Variants in ABCB4 observed in about 807,000 individuals in gnomAD.
ABCB4 encodes the protein ATP binding cassette subfamily B member 4, also known as phosphatidylcholine translocator ABCB4.
Under a neutral mutation model 145.7 loss-of-function variants are expected in ABCB4, and 76 were observed. The observed-to-expected ratio is 0.52, with a 90% CI of 0.43 to 0.63. The LOEUF (loss-of-function observed/expected upper bound fraction) is 0.63, where lower values mean the gene tolerates loss of function less well. Ranked by LOEUF, ABCB4 falls within the 30% of genes least tolerant of loss-of-function variation. ABCB4 has a pLI of 0.00. For missense variants in ABCB4, 1,234 were observed against 1,553.1 expected (o/e 0.79, Z 3.45); for synonymous variants, 517 against 566.8 (o/e 0.91, Z 1.25).
At chr7:87,422,938 C>T (rs1308286527) in intron 17 of ABCB4, among the ~76,000 whole-genome samples, 2 of 152,102 alleles carry the variant, frequency 1.3e-5, no homozygotes, top group African/African-American at 4.8e-5. Context: ...GTGCCTGGAG[C>T]AGCACTAGGC....
chr7:87,436,322 C>CA (rs201591261), intron 14 of ABCB4, among the ~76,000 whole-genome samples: 4,032 of 102,784 alleles, frequency 0.039, 119 homozygotes, highest in East Asian at 0.18. Flanking sequence ...CTTTCAGCTA[C>CA]AAAAAAAAAA....
At chr7:87,451,594 A>G (rs746505904) in intron 7 of ABCB4, 29 bp downstream of exon 7, 16 of 1,613,818 alleles carry the variant, frequency 9.9e-6, no homozygotes, top group African/African-American at 2.7e-5. Context: ...AGGGGTTAAC[A>G]CACATAAAAA....
intron 4 of ABCB4, among the ~76,000 whole-genome samples, chr7:87,457,151 G>A (rs1812150006): frequency 7.9e-5 from 12 of 152,130 alleles, no homozygotes. Flanking sequence ...AGGCCCGGTG[G>A]CTCACACCTA....
At chr7:87,411,748 G>T in intron 23 of ABCB4, 145 bp downstream of exon 23, 1 of 705,884 alleles carries the variant, frequency 1.4e-6, no homozygotes, top group Non-Finnish European at 2.4e-6. Flanking sequence ...AGATCTCTGT[G>T]CCTGCCAGGA....
In ABCB4 at chr7:87,422,056, G is replaced by A; in HGVS notation, c.2316+65C>T. On this transcript the variant is annotated intron_variant, in intron 18 of 27. Transcript: ENST00000649586. Reference sequence around the variant, plus strand: ...CTGTAAGAATTTGGAAGCTCCATTAGGTTTAATTTAATTTCTCTAATTAAA... The same window carrying A: ...CTGTAAGAATTTGGAAGCTCCATTAAGTTTAATTTAATTTCTCTAATTAAA... 37 of 1,173,956 alleles carry A rather than the reference G, an allele frequency of 3.2e-5. 1 individual carries two copies. In the South Asian group the frequency reaches 4.8e-4, roughly 15 times the overall value. The allele number at this position is 1,173,956 out of a possible 1,614,324, so 72.7% of individuals were successfully genotyped here.
chr7:87,462,572 T>G (rs1812533668), intron 4 of ABCB4, among the ~76,000 whole-genome samples, 186 bp downstream of exon 4: 1 of 152,206 alleles, frequency 6.6e-6, no homozygotes, highest in South Asian at 2.1e-4. Flanking sequence ...TACACATATT[T>G]CTTTAAATTT....
In ABCB4 at chr7:87,420,115, T is replaced by C. The variant is rs780747302; in HGVS notation, c.2317-40A>G. 3.8e-6 allele frequency: 6 copies of C among 1,573,704 alleles called. No homozygotes were observed. In the East Asian group the frequency reaches 1.1e-4, roughly 29 times the overall value. ...AGGCTATGGTCTCTTTTGATCTTTA[T>C]GTATGTAATTGCACCAGACCAATCA... On this transcript the variant is annotated intron_variant, in intron 18 of 27. Transcript: ENST00000649586.
rs1811746459 is a variant in ABCB4, at chr7:87,451,719, T to C, written c.612A>G (p.Ala204=). ...CTCTGATGAATCCCACTATGAATCC[T>C]GCAAAAAACGTGGCTACTGCTTGAA... The part of the protein sequence containing the change: ...MFFQAVATFF[A]GFIVGFIRGW... The change falls in exon 7 of 28, where the codon GCA becomes GCG. Residue 204 remains alanine (A), a synonymous_variant. Transcript: ENST00000649586. 5 of 1,614,168 alleles carry C rather than the reference T, an allele frequency of 3.1e-6. No homozygotes were observed. Among genetic ancestry groups the C allele is most frequent in the Non-Finnish European group, 4.2e-6 (5 of 1,180,030 alleles).
At chr7:87,373,211 TG>T in the ABCB4 span, among the ~76,000 whole-genome samples, 1 of 152,196 alleles carries the variant, frequency 6.6e-6, no homozygotes, top group Non-Finnish European at 1.5e-5. Context: ...TTTTTTCACA[TG>T]CATTTTGGCC....
At position 87,449,993 on chromosome 7, in the gene ABCB4, C is replaced by T. The variant is rs551234479; in HGVS notation, c.808G>A (p.Gly270Arg). 33 of 1,614,032 alleles carry T rather than the reference C, an allele frequency of 2.0e-5. No homozygotes were observed. Among genetic ancestry groups the T allele is most frequent in the African/African-American group, 9.3e-5 (7 of 74,924 alleles). The change falls in exon 8 of 28, where the codon GGG becomes AGG. Residue 270 changes from glycine to arginine, a missense_variant. This residue lies in a region of ABCB4 where 467 missense variants were observed against 632.8 expected (regional missense o/e 0.74). Coordinates refer to ENST00000649586, the MANE Select transcript of ABCB4 (RefSeq NM_000443.4). ...LGAIRTVIAF[G>R]GQNKELERYQ... ...CTTTCCAGCTCTTTGTTCTGGCCCCCGAAAGCTATCACAGTCCTGATGGCC... is the reference window on the plus strand; with the variant it reads ...CTTTCCAGCTCTTTGTTCTGGCCCCTGAAAGCTATCACAGTCCTGATGGCC...
chr7:87,371,634 G>T, the ABCB4 span, among the ~76,000 whole-genome samples: 2 of 152,092 alleles, frequency 1.3e-5, no homozygotes, highest in South Asian at 2.1e-4. Context: ...TTTTCTGCCA[G>T]TATTATGTGA....
At chr7:87,431,595 G>T (rs754994308) in intron 14 of ABCB4, 30 bp from the exon 15 acceptor site, 11 of 1,613,790 alleles carry the variant, frequency 6.8e-6, no homozygotes, top group Admixed American at 1.7e-5. Context: ...GTGCATCAGG[G>T]TTACAGTATT....
At chr7:87,422,287 C>A in intron 17 of ABCB4, 62 bp from the exon 18 acceptor site, 1 of 1,279,244 alleles carries the variant, frequency 7.8e-7, no homozygotes, top group South Asian at 1.2e-5. Flanking sequence ...TCATTCCTCT[C>A]ATAAATAGTG....
At chr7:87,375,485 T>C in the ABCB4 span, 2 of 569,352 alleles carry the variant, frequency 3.5e-6, no homozygotes, top group Admixed American at 3.4e-5. Context: ...AAATATGTGA[T>C]GTAGGAAATC....
chr7:87,438,311 A>G lies in ABCB4; in HGVS notation c.1731+1356T>C, dbSNP rs45624640. On this transcript the variant is annotated intron_variant, in intron 14 of 27. Transcript: ENST00000649586. ...GCTTTAAGTAACTTCAGAATAACCA[A>G]CCATATACCAGTCTCATATGCATTA... Among the ~76,000 whole-genome samples the G allele has an allele frequency of 9.4e-3, 1,431 of 152,278 alleles. 11 individuals are homozygous for G. Among genetic ancestry groups the G allele is most frequent in the Non-Finnish European group, 0.016 (1,087 of 68,030 alleles).
Position 87,418,589 on chromosome 7 carries a change from C to T in ABCB4, c.2426G>A (p.Ser809Asn). 1 of 1,614,150 alleles carries T rather than the reference C, an allele frequency of 6.2e-7. No individual in the cohort carries two copies. Among genetic ancestry groups the T allele is most frequent in the Non-Finnish European group, 8.5e-7 (1 of 1,180,012 alleles). ...AAGTCTTGTAGAAAGTGCACCAGTA[C>T]TGTTTTTATGGTCATCAAACCAGCT... ...DMSWFDDHKN[S>N]TGALSTRLAT... Residue 809 changes from serine (S) to asparagine (N), a missense_variant, in exon 20 of 28, where the codon AGT (serine) becomes AAT (asparagine). Coordinates refer to ENST00000649586, the MANE Select transcript of ABCB4 (RefSeq NM_000443.4).
At chr7:87,452,875 C>T (rs553982608) in intron 6 of ABCB4, 69 bp downstream of exon 6, 35 of 1,527,922 alleles carry the variant, frequency 2.3e-5, no homozygotes, top group Non-Finnish European at 3.2e-5. Flanking sequence ...CATTTAAAAT[C>T]TTTCCTTGAC....
the ABCB4 span, chr7:87,382,611 T>C: frequency 8.4e-5 from 126 of 1,492,082 alleles, no homozygotes; most frequent in Admixed American, 2.5e-4. Flanking sequence ...TTATAGCTAT[T>C]TCATCCTAAC....
chr7:87,415,460 TAATCTTTCATATTTAA>T (rs771600373), intron 21 of ABCB4, among the ~76,000 whole-genome samples: 102 of 152,248 alleles, frequency 6.7e-4, no homozygotes, highest in Non-Finnish European at 1.3e-3. Flanking sequence ...AAAACATTTT[TAATCTTTCATATTTAA>T]AATCTTTCAT....
Sources: allele counts gnomAD v4.1 joint callset (sites outside exome capture counted in the v4.1 genomes callset), GRCh38; gene constraint gnomAD v4.1.1; regional missense constraint gnomAD v4.1.1; transcripts MANE v1.5; gene names NCBI Gene and HGNC (gene_info 2026-07-23, HGNC 2026-07-21).